The following ARPP19 variants were observed in gnomAD, a reference collection of about 807,000 sequenced individuals.
The protein encoded by ARPP19 is cAMP-regulated phosphoprotein 19.
Under a neutral mutation model 12.0 loss-of-function variants are expected in ARPP19, and 8 were observed. That is an observed-to-expected ratio of 0.67 (90% CI 0.39 to 1.21). ARPP19 has a LOEUF of 1.21. Ranked by LOEUF, ARPP19 falls within the 50% of genes most tolerant of loss-of-function variation. ARPP19 has a pLI of 0.01. For missense variants in ARPP19, 102 were observed against 136.3 expected, an observed-to-expected ratio of 0.75 and a Z score of 1.25; for synonymous variants, 47 against 50.4, an observed-to-expected ratio of 0.93 and a Z score of 0.29.
intron 2 of ARPP19, among the ~76,000 whole-genome samples, chr15:52,555,743 A>G (rs1485630480): frequency 6.6e-6 from 1 of 152,044 alleles, no homozygotes; most frequent in Non-Finnish European, 1.5e-5. Flanking sequence ...AACAAAGAGC[A>G]TATTAGTTTC....
chr15:52,550,906 C>A lies in ARPP19; in HGVS notation c.*1028G>T, dbSNP rs1012247797. 4 of 152,594 alleles carry A rather than the reference C, an allele frequency of 2.6e-5. No homozygotes were observed. The highest frequency in any genetic ancestry group is 2.1e-4 in the South Asian group (1 of 4,824). 9.5% of individuals were successfully genotyped at this position (152,594 alleles called of 1,614,324 possible). A position where few individuals can be genotyped will look rare whatever the true frequency, so the allele number is the denominator to read the frequency against. On this transcript the variant is annotated 3_prime_UTR_variant, in exon 3 of 3. Transcript: ENST00000249822. Reference sequence around the variant, plus strand: ...CATGAATTGCAACTTTCATAAAAATCAAAATGAAAGGTTCTGCATAGGACA... The same window carrying A: ...CATGAATTGCAACTTTCATAAAAATAAAAATGAAAGGTTCTGCATAGGACA...
At chr15:52,557,516 T>C (rs1012526608) in intron 1 of ARPP19, 1 of 265,000 alleles carries the variant, frequency 3.8e-6, no homozygotes, top group Non-Finnish European at 7.2e-6. Context: ...TCATGTATAA[T>C]ACATTTATAG....
Position 52,551,085 on chromosome 15 carries a change from C to T in ARPP19, c.*849G>A, listed in dbSNP as rs1408209411. On this transcript the variant is annotated 3_prime_UTR_variant, in exon 3 of 3. Transcript: ENST00000249822. Reference sequence around the variant, plus strand: ...GAGATTGTAAACTACTCTTATTATACAAAAGCTATAATGATTTACAGAGTT... The same window carrying T: ...GAGATTGTAAACTACTCTTATTATATAAAAGCTATAATGATTTACAGAGTT... The T allele has an allele frequency of 2.0e-5, 3 of 152,646 alleles. No individual in the cohort carries two copies. In the East Asian group the frequency reaches 5.8e-4, roughly 29 times the overall value. The allele number at this position is 152,646 out of a possible 1,614,324, so 9.5% of individuals were successfully genotyped here.
At chr15:52,568,144 CCT>C (rs1454029701) in intron 1 of ARPP19, 6 of 152,250 alleles carry the variant, frequency 3.9e-5, no homozygotes, top group African/African-American at 1.4e-4. Context: ...ACAAAATATT[CCT>C]GTTTCCAATA....
chr15:52,559,475 C>A (rs1025069356), intron 1 of ARPP19, among the ~76,000 whole-genome samples: 3 of 152,232 alleles, frequency 2.0e-5, no homozygotes, highest in Admixed American at 1.3e-4. Context: ...ATCTAGCCAT[C>A]TGTTCAAACG....
intron 2 of ARPP19, 72 bp from the exon 3 acceptor site, chr15:52,552,176 A>AT: frequency 1.2e-6 from 1 of 837,778 alleles, no homozygotes; most frequent in African/African-American, 1.7e-5. Flanking sequence ...ATGCAACCCC[A>AT]TACTGTCCGT....
intron 1 of ARPP19, among the ~76,000 whole-genome samples, chr15:52,560,347 T>A (rs985935595): frequency 6.6e-6 from 1 of 152,120 alleles, no homozygotes. Context: ...ATATTAAGCA[T>A]GCTTAATTAA....
chr15:52,564,514 G>A (rs2078064049), intron 1 of ARPP19, among the ~76,000 whole-genome samples: 1 of 152,184 alleles, frequency 6.6e-6, no homozygotes, highest in Non-Finnish European at 1.5e-5. Context: ...AATACTGGAA[G>A]CATGGGAAAA....
intron 1 of ARPP19, chr15:52,557,650 T>C (rs2077993101): frequency 6.6e-6 from 1 of 152,408 alleles, no homozygotes; most frequent in South Asian, 2.1e-4. Flanking sequence ...AGTTAGATTC[T>C]TTACTAGAAA....
Position 52,551,774 on chromosome 15 carries a change from C to A in ARPP19, c.*160G>T. 1 of 617,048 alleles carries A rather than the reference C, an allele frequency of 1.6e-6. No individual in the cohort carries two copies. The highest frequency in any genetic ancestry group is 2.0e-5 in the South Asian group (1 of 49,444). 38.2% of individuals were successfully genotyped at this position (617,048 alleles called of 1,614,324 possible). A position where few individuals can be genotyped will look rare whatever the true frequency, so the allele number is the denominator to read the frequency against. ...AGTGCACTGTTAAACTAATCAAAAA[C>A]TCTACACACGTATATTCCACAATAG... On this transcript the variant is annotated 3_prime_UTR_variant, in exon 3 of 3. Transcript: ENST00000249822.
At chr15:52,552,672 T>C (rs1408747272) in intron 2 of ARPP19, among the ~76,000 whole-genome samples, 2 of 150,722 alleles carry the variant, frequency 1.3e-5, no homozygotes, top group African/African-American at 4.9e-5. Context: ...AAGACTAATA[T>C]AATATTAAGC....
At chr15:52,564,373 T>C (rs534642328) in intron 1 of ARPP19, 27 of 677,152 alleles carry the variant, frequency 4.0e-5, no homozygotes, top group African/African-American at 2.5e-4. Flanking sequence ...CATTGTGCCA[T>C]TGCACCCCAG....
rs1438897873 is a variant in ARPP19, at chr15:52,558,791, A to G, written c.46-1569T>C. Among the ~76,000 whole-genome samples the G allele has an allele frequency of 3.3e-5, 5 of 151,978 alleles. 1 individual carries two copies. The South Asian group carries it at 6.2e-4, about 19-fold the overall frequency. On this transcript the variant is annotated intron_variant, in intron 1 of 2. Coordinates refer to ENST00000249822, the MANE Select transcript of ARPP19 (RefSeq NM_006628.6). ...AAAATTATATTCATACATTAAAAAAAAAAAAAAAAGATGAAGATCCTGTTT... is the reference window on the plus strand; with the variant it reads ...AAAATTATATTCATACATTAAAAAAGAAAAAAAAAGATGAAGATCCTGTTT...
chr15:52,568,110 C>G (rs1453057939), intron 1 of ARPP19, among the ~76,000 whole-genome samples: 8 of 152,246 alleles, frequency 5.3e-5, no homozygotes. Context: ...TATTCCCCTA[C>G]ATCAGGAAGA....
intron 1 of ARPP19, among the ~76,000 whole-genome samples, chr15:52,563,309 A>G (rs2078052194): frequency 6.6e-6 from 1 of 152,184 alleles, no homozygotes. Flanking sequence ...TTCTAAATTG[A>G]TAATAGGGTC....
In ARPP19 at chr15:52,548,544, T is replaced by C. The variant is rs1184572617; in HGVS notation, c.*3390A>G. ...AGCCATCCTGAGTGATGAAATCTCA[T>C]GATCTCCTGCTCTGTCCTGCCTGGG... On this transcript the variant is annotated 3_prime_UTR_variant, in exon 3 of 3. Transcript: ENST00000249822. The C allele has an allele frequency of 6.6e-6, 1 of 152,440 alleles. No individual in the cohort carries two copies. Among genetic ancestry groups the C allele is most frequent in the Non-Finnish European group, 1.5e-5 (1 of 68,164 alleles). 9.4% of individuals were successfully genotyped at this position (152,440 alleles called of 1,614,324 possible). A position where few individuals can be genotyped will look rare whatever the true frequency, so the allele number is the denominator to read the frequency against.
In ARPP19 at chr15:52,557,189, C is replaced by T. The variant is rs371211592; in HGVS notation, c.79G>A (p.Ala27Thr). 6 of 1,609,950 alleles carry T rather than the reference C, an allele frequency of 3.7e-6. No individual in the cohort carries two copies. Among genetic ancestry groups the T allele is most frequent in the African/African-American group, 1.3e-5 (1 of 74,938 alleles). Reference sequence around the variant, plus strand: ...CTTGCTTTTAATTTTGCTTCTTCTGCTTTCTCTGGACTAGTCACTTTATCT... The same window carrying T: ...CTTGCTTTTAATTTTGCTTCTTCTGTTTTCTCTGGACTAGTCACTTTATCT... ...MEDKVTSPEKAEEAKLKARYP... is the reference protein window; with the variant it reads ...MEDKVTSPEKTEEAKLKARYP... The change falls in exon 2 of 3, where the codon GCA becomes ACA. Residue 27 changes from alanine (A) to threonine (T), a missense_variant. Physicochemically the swap from Ala to Thr is moderately conservative, Grantham distance 58 (BLOSUM62 0). Coordinates refer to ENST00000249822, the MANE Select transcript of ARPP19 (RefSeq NM_006628.6).
At chr15:52,554,993 T>C (rs963278836) in intron 2 of ARPP19, among the ~76,000 whole-genome samples, 2 of 152,068 alleles carry the variant, frequency 1.3e-5, no homozygotes, top group Non-Finnish European at 2.9e-5. Flanking sequence ...AGGTAATTTG[T>C]CAAGTTTGCT....
chr15:52,567,310 T>G (rs2078092441), intron 1 of ARPP19, among the ~76,000 whole-genome samples: 2 of 152,234 alleles, frequency 1.3e-5, no homozygotes, highest in African/African-American at 2.4e-5. Flanking sequence ...TTAATATTGT[T>G]AAAAGATACA....
Sources: gnomAD v4.1 joint callset for allele counts (sites outside exome capture counted in the v4.1 genomes callset) on GRCh38, gnomAD v4.1.1 for gene constraint, MANE v1.5 for transcripts, NCBI Gene and HGNC (gene_info 2026-07-23, HGNC 2026-07-21) for gene names.